RALYL: variants seen among roughly 807,000 people sequenced by gnomAD.
RALYL encodes RALY RNA binding protein like, also known as RNA-binding Raly-like protein.
RALYL carries 29 observed loss-of-function variants against 35.1 expected under a neutral mutation model. The ratio of observed to expected loss-of-function variants is 0.83; its 90% CI spans 0.61 to 1.13. RALYL has a LOEUF of 1.13. RALYL is among the 50% of genes most tolerant of loss of function. RALYL has a pLI of 0.00. For missense variants in RALYL, 359 were observed against 360.4 expected, an observed-to-expected ratio of 1.00 and a Z score of 0.03; for synonymous variants, 120 against 127.6, an observed-to-expected ratio of 0.94 and a Z score of 0.40.
At chr8:84,549,451 T>C (rs1263428251) in intron 2 of RALYL, among the ~76,000 whole-genome samples, 1 of 152,086 alleles carries the variant, frequency 6.6e-6, no homozygotes, top group Non-Finnish European at 1.5e-5. Context: ...AGTTTGCCAT[T>C]TTATGGATCC....
At chr8:84,855,414 C>T (rs1836761184) in intron 5 of RALYL, among the ~76,000 whole-genome samples, 1 of 152,170 alleles carries the variant, frequency 6.6e-6, no homozygotes, top group Non-Finnish European at 1.5e-5. Context: ...GCTTAGAAAA[C>T]TTCTTTACAC....
intron 1 of RALYL, among the ~76,000 whole-genome samples, chr8:84,495,367 C>T (rs2134115282): frequency 6.6e-6 from 1 of 152,156 alleles, no homozygotes; most frequent in African/African-American, 2.4e-5. Flanking sequence ...GCGTAAAATA[C>T]TTTGAGACAT....
chr8:84,537,732 T>C (rs964688721), intron 2 of RALYL, among the ~76,000 whole-genome samples: 2 of 152,176 alleles, frequency 1.3e-5, no homozygotes, highest in Non-Finnish European at 2.9e-5. Context: ...TTTTAAAAAA[T>C]TATCTTTCCA....
intron 1 of RALYL, among the ~76,000 whole-genome samples, chr8:84,193,693 G>A (rs1323025586): frequency 6.6e-6 from 1 of 152,146 alleles, no homozygotes; most frequent in Non-Finnish European, 1.5e-5. Context: ...AATATAGAAA[G>A]ATTCTAGAGC....
intron 1 of RALYL, among the ~76,000 whole-genome samples, chr8:84,279,417 A>T (rs1023032911): frequency 2.6e-5 from 4 of 152,196 alleles, no homozygotes; most frequent in African/African-American, 4.8e-5. Flanking sequence ...AATTGGACAG[A>T]TATATTTATG....
chr8:84,298,228 A>T (rs1840131663), intron 1 of RALYL, among the ~76,000 whole-genome samples: 1 of 152,002 alleles, frequency 6.6e-6, no homozygotes, highest in African/African-American at 2.4e-5. Flanking sequence ...AAAGGAAAGG[A>T]TACAATTTCA....
chr8:84,815,158 T>C (rs1826883558), intron 4 of RALYL, among the ~76,000 whole-genome samples: 1 of 152,160 alleles, frequency 6.6e-6, no homozygotes. Context: ...ACTAGAACTA[T>C]CTTGGAGTTC....
At chr8:84,854,162 A>C (rs2134886929) in intron 5 of RALYL, among the ~76,000 whole-genome samples, 1 of 152,210 alleles carries the variant, frequency 6.6e-6, no homozygotes, top group East Asian at 1.9e-4. Flanking sequence ...CCTGGCCAAC[A>C]TGGTAAAACC....
intron 1 of RALYL, among the ~76,000 whole-genome samples, chr8:84,201,767 A>G (rs1030252799): frequency 3.3e-5 from 5 of 151,858 alleles, no homozygotes; most frequent in Admixed American, 6.6e-5. Flanking sequence ...GAGTTTCACT[A>G]TGTTGCTCAG....
At chr8:84,618,009 G>T (rs1382251311) in intron 2 of RALYL, among the ~76,000 whole-genome samples, 1 of 151,706 alleles carries the variant, frequency 6.6e-6, no homozygotes, top group Non-Finnish European at 1.5e-5. Flanking sequence ...ATTTTATTGA[G>T]GATTTTTGCA....
At chr8:84,459,487 G>A (rs1459383227) in intron 1 of RALYL, among the ~76,000 whole-genome samples, 1 of 151,728 alleles carries the variant, frequency 6.6e-6, no homozygotes, top group Non-Finnish European at 1.5e-5. Context: ...TAAAGGTGTT[G>A]TAGGTCATGT....
chr8:84,792,568 C>T (rs958400394), intron 3 of RALYL, among the ~76,000 whole-genome samples: 4 of 152,150 alleles, frequency 2.6e-5, no homozygotes, highest in African/African-American at 9.7e-5. Flanking sequence ...TCATTTAGGG[C>T]CACGGGTTTC....
chr8:84,757,971 CAGAG>C (rs149986706), intron 2 of RALYL, among the ~76,000 whole-genome samples: 1 of 152,032 alleles, frequency 6.6e-6, no homozygotes, highest in Non-Finnish European at 1.5e-5. Context: ...GAAAAAACAA[CAGAG>C]AGAAAAACTA....
intron 1 of RALYL, among the ~76,000 whole-genome samples, chr8:84,199,610 A>T (rs943956578): frequency 6.6e-6 from 1 of 152,172 alleles, no homozygotes; most frequent in Non-Finnish European, 1.5e-5. Context: ...ACTTTGTTGT[A>T]GTAGTTTCAT....
At chr8:84,474,561 C>T (rs1398003978) in intron 1 of RALYL, among the ~76,000 whole-genome samples, 1 of 151,966 alleles carries the variant, frequency 6.6e-6, no homozygotes, top group African/African-American at 2.4e-5. Context: ...GGAATAAATT[C>T]CTCGATGGAA....
At chr8:84,638,506 A>C (rs1304650864) in intron 2 of RALYL, among the ~76,000 whole-genome samples, 2 of 151,892 alleles carry the variant, frequency 1.3e-5, no homozygotes, top group Non-Finnish European at 2.9e-5. Context: ...GCAAAAGATA[A>C]ATGAAACAAA....
At chr8:84,273,319 C>T (rs932727573) in intron 1 of RALYL, among the ~76,000 whole-genome samples, 6 of 152,254 alleles carry the variant, frequency 3.9e-5, no homozygotes, top group African/African-American at 1.4e-4. Context: ...CTCAGGTCCT[C>T]TCTGGCTTTG....
chr8:84,800,670 C>CAATT (rs1823029983), intron 3 of RALYL, among the ~76,000 whole-genome samples: 1 of 152,170 alleles, frequency 6.6e-6, no homozygotes, highest in Admixed American at 6.5e-5. Flanking sequence ...CTTCATGAAA[C>CAATT]AATTACCTTG....
At chr8:84,590,045 C>T (rs1812889769) in intron 2 of RALYL, among the ~76,000 whole-genome samples, 1 of 152,096 alleles carries the variant, frequency 6.6e-6, no homozygotes, top group South Asian at 2.1e-4. Context: ...TGGTTTAATT[C>T]CTTTGTTCTG....
Sources: gnomAD v4.1 joint callset for allele counts (sites outside exome capture counted in the v4.1 genomes callset) on GRCh38, gnomAD v4.1.1 for gene constraint, MANE v1.5 for transcripts, NCBI Gene and HGNC (gene_info 2026-07-23, HGNC 2026-07-21) for gene names.